ATRX: variants seen among roughly 807,000 people sequenced by gnomAD.
ATRX encodes the protein chromatin remodeler ATRX.
Under a neutral mutation model 172.6 loss-of-function variants are expected in ATRX, and 12 were observed. The observed-to-expected ratio is 0.07, with a 90% CI of 0.04 to 0.11. The LOEUF is 0.11. Among genes scored for constraint, ATRX ranks in the 10% least tolerant of loss-of-function variants. ATRX has a pLI of 1.00. For missense variants in ATRX, 1,368 were observed against 1,767.4 expected (o/e 0.77, Z 4.05); for synonymous variants, 674 against 594.7 (o/e 1.13, Z -1.94).
chrX:77,757,442 G>A (rs782813159), intron 1 of ATRX, among the ~76,000 whole-genome samples: 9 of 111,395 alleles, frequency 8.1e-5, no homozygotes, highest in African/African-American at 9.8e-5. Flanking sequence ...TCCTTTCTCC[G>A]AAACTAAAAA....
chrX:77,663,287 T>C lies in ATRX; in HGVS notation c.4120+95A>G. 3.9e-6 allele frequency: 4 copies of C among 1,016,870 alleles called. No individual in the cohort carries two copies. In the South Asian group the frequency reaches 5.7e-5, roughly 15 times the overall value. The allele number at this position is 1,016,870 out of a possible 1,213,427, so 83.8% of individuals were successfully genotyped here. Reference sequence around the variant, plus strand: ...GTCTTAAACTCCTGGGCTCAAGCAATCTGCCCACCTCAGCTTCCCAAAGTG... The same window carrying C: ...GTCTTAAACTCCTGGGCTCAAGCAACCTGCCCACCTCAGCTTCCCAAAGTG... On this transcript the variant is annotated intron_variant, in intron 12 of 34. Coordinates refer to ENST00000373344, the MANE Select transcript of ATRX (RefSeq NM_000489.6).
intron 28 of ATRX, among the ~76,000 whole-genome samples, chrX:77,564,059 GC>G (rs2065112756): frequency 9.0e-6 from 1 of 111,304 alleles, no homozygotes; most frequent in Non-Finnish European, 1.9e-5. Flanking sequence ...GTAGGATGAT[GC>G]CCACTCACAC....
rs1001975527 is a variant in ATRX at position 77,678,905 on chromosome X, G to A, written c.3737-2607C>T. Among the ~76,000 whole-genome samples, 3 of 110,582 alleles carry A rather than the reference G, an allele frequency of 2.7e-5. No homozygotes were observed. In the South Asian group the frequency reaches 1.1e-3, roughly 42 times the overall value. Reference sequence around the variant, plus strand: ...TGCCATTACCAAGCCCCAATTTCTAGGAAAATACTGTAGCTGTAATATGAT... The same window carrying A: ...TGCCATTACCAAGCCCCAATTTCTAAGAAAATACTGTAGCTGTAATATGAT... On this transcript the variant is annotated intron_variant, in intron 9 of 34. Transcript: ENST00000373344.
chrX:77,645,690 C>T (rs1180362967), intron 15 of ATRX, among the ~76,000 whole-genome samples: 2 of 112,025 alleles, frequency 1.8e-5, no homozygotes, highest in African/African-American at 6.5e-5. Flanking sequence ...TGTTTCATAA[C>T]CTCACTTTTT....
chrX:77,594,020 G>A lies in ATRX; in HGVS notation c.5957-171C>T, dbSNP rs782060041. On this transcript the variant is annotated intron_variant, in intron 25 of 34. Transcript: ENST00000373344. Reference sequence around the variant, plus strand: ...AGGCACACGCACATACAGCACAGAAGGACAGAGACTATCCCAGAAGAGTGA... The same window carrying A: ...AGGCACACGCACATACAGCACAGAAAGACAGAGACTATCCCAGAAGAGTGA... 91 of 435,151 alleles carry A rather than the reference G, an allele frequency of 2.1e-4. 1 individual carries two copies. The South Asian group carries it at 3.6e-3, about 17-fold the overall frequency. The allele number at this position is 435,151 out of a possible 1,213,427, so 35.9% of individuals were successfully genotyped here. A position where few individuals can be genotyped will look rare whatever the true frequency, so the allele number is the denominator to read the frequency against.
At chrX:77,737,168 T>C (rs2074608914) in intron 1 of ATRX, among the ~76,000 whole-genome samples, 2 of 110,304 alleles carry the variant, frequency 1.8e-5, no homozygotes, top group Admixed American at 9.7e-5. Flanking sequence ...CTCACACCTG[T>C]ACTCCCAGCA....
intron 28 of ATRX, among the ~76,000 whole-genome samples, chrX:77,572,236 T>A (rs1294260982): frequency 9.0e-6 from 1 of 111,284 alleles, no homozygotes; most frequent in Non-Finnish European, 1.9e-5. Flanking sequence ...AAATCCTAAA[T>A]TCACCAAACT....
intron 30 of ATRX, among the ~76,000 whole-genome samples, chrX:77,549,605 G>A (rs2064388188): frequency 8.9e-6 from 1 of 112,272 alleles, no homozygotes; most frequent in East Asian, 2.8e-4. Context: ...GGTATTGCTA[G>A]AAACTTGTGT....
At chrX:77,732,102 A>G (rs1209005678) in intron 1 of ATRX, among the ~76,000 whole-genome samples, 1 of 111,529 alleles carries the variant, frequency 9.0e-6, no homozygotes, top group Admixed American at 9.5e-5. Context: ...GGTCACAGAC[A>G]CCACCCCCCT....
intron 15 of ATRX, among the ~76,000 whole-genome samples, chrX:77,637,939 C>CAAAA (rs373944111): frequency 2.1e-4 from 9 of 42,824 alleles, no homozygotes; most frequent in South Asian, 1.7e-3. Flanking sequence ...AGCTCCATCT[C>CAAAA]AAAAAAAAAA....
Position 77,688,880 on chromosome X carries a change from C to T in ATRX, c.532G>A (p.Val178Ile), listed in dbSNP as rs2148656827. The T allele has an allele frequency of 8.3e-7, 1 of 1,211,178 alleles. No individual in the cohort carries two copies. The highest frequency in any genetic ancestry group is 1.1e-6 in the Non-Finnish European group (1 of 895,224). The change falls in exon 7 of 35, where the codon GTC (valine) becomes ATC (isoleucine). Residue 178 changes from valine (V) to isoleucine (I), a missense_variant. Val to Ile is a conservative substitution (Grantham distance 29). Around this residue, in one of 17 missense-constraint regions of ATRX, gnomAD observed 9 missense variants for 69.7 expected, o/e 0.13. Transcript: ENST00000373344. ...ATGGAATCTTTTTGAAAATGATTGA[C>T]CTGTTGTCCACAAGCAGTGCAGCTC... ...IVSCTACGQQ[V>I]NHFQKDSIYR...
intron 30 of ATRX, among the ~76,000 whole-genome samples, chrX:77,543,312 T>G (rs2064090719): frequency 9.0e-6 from 1 of 111,569 alleles, no homozygotes; most frequent in African/African-American, 3.3e-5. Flanking sequence ...AAACAACAGG[T>G]GCTGGAGAGG....
At position 77,664,652 on chromosome X, in the gene ATRX, T is replaced by A. The variant is rs782073346; in HGVS notation, c.3936A>T (p.Gly1312=). The A allele has an allele frequency of 8.3e-7, 1 of 1,209,596 alleles. No homozygotes were observed. Among genetic ancestry groups the A allele is most frequent in the East Asian group, 3.0e-5 (1 of 33,739 alleles). Residue 1312 remains glycine, a synonymous_variant, in exon 11 of 35, where the codon GGA becomes GGT. Coordinates refer to ENST00000373344, the MANE Select transcript of ATRX (RefSeq NM_000489.6). ...RTGKQNEENP[G]DEEAKNQVNS... ...TCTCTCTGGGGAGCTCACCCTCATC[T>A]CCTGGGTTTTCTTCATTTTGTTTTC...
intron 22 of ATRX, among the ~76,000 whole-genome samples, chrX:77,612,264 TG>T (rs2148220574): frequency 9.0e-6 from 1 of 111,709 alleles, no homozygotes; most frequent in Non-Finnish European, 1.9e-5. Flanking sequence ...GAGTGGCACT[TG>T]GGTCCATGCA....
chrX:77,692,884 T>A (rs2071980581), intron 6 of ATRX, among the ~76,000 whole-genome samples: 1 of 108,084 alleles, frequency 9.3e-6, no homozygotes, highest in Non-Finnish European at 1.9e-5. Flanking sequence ...TGTGTGTGTG[T>A]GTGTGTGTTT....
intron 2 of ATRX, among the ~76,000 whole-genome samples, chrX:77,711,848 C>A (rs1247546215): frequency 8.9e-6 from 1 of 111,944 alleles, no homozygotes; most frequent in Non-Finnish European, 1.9e-5. Context: ...AAAAACCAAC[C>A]AACCAAACAA....
At chrX:77,520,721 A>G (rs1483703108) in intron 34 of ATRX, 67 bp downstream of exon 34, 23 of 1,117,154 alleles carry the variant, frequency 2.1e-5, no homozygotes, top group Non-Finnish European at 2.8e-5. Context: ...TAGATGTCAT[A>G]CAAACTTATT....
intron 1 of ATRX, among the ~76,000 whole-genome samples, chrX:77,742,360 C>G (rs2074908814): frequency 8.9e-6 from 1 of 111,818 alleles, no homozygotes; most frequent in African/African-American, 3.3e-5. Context: ...AAATGTTCCA[C>G]AGAACCACTT....
intron 9 of ATRX, among the ~76,000 whole-genome samples, chrX:77,678,589 C>T (rs138056129): frequency 0.05 from 5,521 of 111,178 alleles, 151 homozygotes; most frequent in Non-Finnish European, 0.075. Flanking sequence ...TGGGTTCAAG[C>T]GATTCTCCTG....
Sources: allele counts gnomAD v4.1 joint callset (sites outside exome capture counted in the v4.1 genomes callset), GRCh38; gene constraint gnomAD v4.1.1; regional missense constraint gnomAD v4.1.1; transcripts MANE v1.5; gene names NCBI Gene and HGNC (gene_info 2026-07-23, HGNC 2026-07-21).